The following STARD13 variants were observed in gnomAD, a reference collection of about 807,000 sequenced individuals.
STARD13 encodes the protein StAR related lipid transfer domain containing 13.
Under a neutral mutation model 106.4 loss-of-function variants are expected in STARD13, and 62 were observed. The ratio of observed to expected loss-of-function variants is 0.58; its 90% CI spans 0.48 to 0.72. STARD13 has a LOEUF of 0.72. Ranked by LOEUF, STARD13 falls within the 30% of genes least tolerant of loss-of-function variation. The pLI, the probability that STARD13 is intolerant of heterozygous loss-of-function variation, is 0.00. For missense variants in STARD13, 1,387 were observed against 1,424.0 expected (o/e 0.97, Z 0.42); for synonymous variants, 565 against 553.0 (o/e 1.02, Z -0.31).
intron 1 of STARD13, among the ~76,000 whole-genome samples, chr13:33,299,548 C>T (rs1212224630): frequency 6.6e-6 from 1 of 152,154 alleles, no homozygotes; most frequent in Non-Finnish European, 1.5e-5. Flanking sequence ...TAATGAAACA[C>T]AACAAAACAA....
downstream of STARD13, among the ~76,000 whole-genome samples, chr13:33,344,171 C>T (rs1330533473): frequency 4.6e-5 from 7 of 151,198 alleles, no homozygotes; most frequent in African/African-American, 7.3e-5. Flanking sequence ...TCAGAATCTC[C>T]GGGAGGAGGT....
At chr13:33,527,658 C>T in the STARD13 span, among the ~76,000 whole-genome samples, 20,305 of 151,544 alleles carry the variant, frequency 0.13, 1,521 homozygotes, top group African/African-American at 0.2. Context: ...CTGTTCTGTT[C>T]AGAATAAAAG....
the STARD13 span, among the ~76,000 whole-genome samples, chr13:33,662,079 G>A: frequency 0.011 from 1,621 of 151,966 alleles, 30 homozygotes; most frequent in African/African-American, 0.037. Flanking sequence ...TGGCTAACAC[G>A]GTGAAACCCC....
At chr13:33,668,203 G>A in the STARD13 span, among the ~76,000 whole-genome samples, 7 of 152,088 alleles carry the variant, frequency 4.6e-5, no homozygotes, top group African/African-American at 1.7e-4. Context: ...TCTTTTATCA[G>A]TTGTTGAACT....
chr13:33,611,931 A>C, the STARD13 span, among the ~76,000 whole-genome samples: 6 of 152,198 alleles, frequency 3.9e-5, no homozygotes, highest in African/African-American at 1.4e-4. Context: ...GGGAAAGTTT[A>C]TATTTTTTGC....
chr13:33,214,692 G>GCACA (rs1440199937), intron 1 of STARD13, among the ~76,000 whole-genome samples: 3 of 103,232 alleles, frequency 2.9e-5, no homozygotes, highest in African/African-American at 8.8e-5. Flanking sequence ...ACACACACAT[G>GCACA]CACACATACA....
chr13:33,350,706 C>A, upstream of STARD13: 1 of 1,080,058 alleles, frequency 9.3e-7, no homozygotes, highest in East Asian at 5.9e-5. Flanking sequence ...GTTGGGCGCT[C>A]CTCCACTCCC....
At chr13:33,325,047 C>CAT (rs71071091) in intron 1 of STARD13, among the ~76,000 whole-genome samples, 5,475 of 150,766 alleles carry the variant, frequency 0.036, 119 homozygotes, top group Non-Finnish European at 0.055. Flanking sequence ...TGCATGTGTG[C>CAT]ATATATATAT....
At position 33,129,897 on chromosome 13, in the gene STARD13, C is replaced by G. The variant is rs374996986; in HGVS notation, c.780G>C (p.Leu260Phe). ...KPTRARAKSF[L>F]KRMETLRGKG... is the part of the protein sequence containing the mutation. ...TCCCTCGGAGTGTTTCCATGCGTTT[C>G]AAAAATGATTTGGCCCTAGCCCTCG... The change falls in exon 5 of 14, where the codon TTG becomes TTC. Residue 260 changes from leucine (L) to phenylalanine (F), a missense_variant. By Grantham distance (22) the Leu-to-Phe change is conservative. Coordinates refer to ENST00000336934, the MANE Select transcript of STARD13 (RefSeq NM_178006.4). 1 of 1,613,052 alleles carries G rather than the reference C, an allele frequency of 6.2e-7. No homozygotes were observed. The highest frequency in any genetic ancestry group is 1.3e-5 in the African/African-American group (1 of 74,890).
At chr13:33,491,250 A>G in the STARD13 span, among the ~76,000 whole-genome samples, 1 of 152,240 alleles carries the variant, frequency 6.6e-6, no homozygotes, top group Non-Finnish European at 1.5e-5. Context: ...GCACCACAGT[A>G]GACACTCAAC....
At chr13:33,641,102 C>T in the STARD13 span, among the ~76,000 whole-genome samples, 1 of 152,186 alleles carries the variant, frequency 6.6e-6, no homozygotes, top group Non-Finnish European at 1.5e-5. Flanking sequence ...TGGGGAAACC[C>T]AGCAAAGCCT....
intron 3 of STARD13, among the ~76,000 whole-genome samples, chr13:33,149,546 C>T (rs897306133): frequency 1.3e-5 from 2 of 152,296 alleles, no homozygotes; most frequent in African/African-American, 2.4e-5. Flanking sequence ...ACATCTTAGA[C>T]ATTTTAGGTA....
chr13:33,413,555 A>C, the STARD13 span, among the ~76,000 whole-genome samples: 1 of 152,188 alleles, frequency 6.6e-6, no homozygotes, highest in Non-Finnish European at 1.5e-5. Context: ...AAAGCTACAG[A>C]GAGGGAGGCC....
intron 1 of STARD13, among the ~76,000 whole-genome samples, chr13:33,337,661 G>A (rs1446914670): frequency 6.6e-6 from 1 of 152,286 alleles, no homozygotes; most frequent in East Asian, 1.9e-4. Flanking sequence ...ACTGTAGATT[G>A]TAGATACTCA....
At chr13:33,163,847 A>C (rs1339978966) in intron 3 of STARD13, among the ~76,000 whole-genome samples, 1 of 151,098 alleles carries the variant, frequency 6.6e-6, no homozygotes, top group Non-Finnish European at 1.5e-5. Context: ...AATATTAAAA[A>C]AAGCCAACTA....
chr13:33,522,165 C>CTA, the STARD13 span, among the ~76,000 whole-genome samples: 1 of 151,972 alleles, frequency 6.6e-6, no homozygotes. Flanking sequence ...TTAAGATGTG[C>CTA]TATATTTTTC....
chr13:33,636,957 T>C, the STARD13 span, among the ~76,000 whole-genome samples: 1 of 152,202 alleles, frequency 6.6e-6, no homozygotes, highest in Admixed American at 6.5e-5. Context: ...TTATCTTTTC[T>C]AAACTCAGAT....
upstream of STARD13, among the ~76,000 whole-genome samples, chr13:33,288,880 T>C (rs1892179292): frequency 6.6e-6 from 1 of 152,270 alleles, no homozygotes; most frequent in Non-Finnish European, 1.5e-5. Flanking sequence ...ATGTCATTAG[T>C]ACCTTGTTTT....
At chr13:33,136,210 CTT>C (rs1309178594) in intron 4 of STARD13, among the ~76,000 whole-genome samples, 1 of 152,128 alleles carries the variant, frequency 6.6e-6, no homozygotes. Context: ...AGGGATTTCT[CTT>C]TTAAAGTAAA....
Sources: allele counts gnomAD v4.1 joint callset (sites outside exome capture counted in the v4.1 genomes callset), GRCh38; gene constraint gnomAD v4.1.1; transcripts MANE v1.5; gene names NCBI Gene and HGNC (gene_info 2026-07-23, HGNC 2026-07-21).